The following PARD3B variants were observed in gnomAD, a reference collection of about 807,000 sequenced individuals.
PARD3B encodes the protein par-3 family cell polarity regulator beta.
A neutral mutation model predicts 130.2 loss-of-function variants in PARD3B; 103 were observed. The ratio of observed to expected loss-of-function variants is 0.79; its 90% confidence interval spans 0.67 to 0.93. PARD3B has a LOEUF of 0.93. Ranked by LOEUF, PARD3B falls within the 40% of genes least tolerant of loss-of-function variation. The pLI is 0.00. For synonymous variants in PARD3B, 583 were observed against 553.2 expected, an observed-to-expected ratio of 1.05 and a Z score of -0.76; for missense variants, 1,609 against 1,499.2, an observed-to-expected ratio of 1.07 and a Z score of -1.21.
chr2:204,586,624 C>G (rs914044968), intron 1 of PARD3B, among the ~76,000 whole-genome samples: 1 of 152,128 alleles, frequency 6.6e-6, no homozygotes, highest in Non-Finnish European at 1.5e-5. Flanking sequence ...ATAGCTTTCA[C>G]AATCAGAAAG....
intron 2 of PARD3B, among the ~76,000 whole-genome samples, chr2:204,693,647 T>C (rs1355256447): frequency 6.6e-6 from 1 of 152,088 alleles, no homozygotes; most frequent in Non-Finnish European, 1.5e-5. Context: ...TAGTGTATAC[T>C]GCATCAAGTC....
At chr2:204,922,526 G>A (rs562402748) in intron 2 of PARD3B, among the ~76,000 whole-genome samples, 2 of 152,122 alleles carry the variant, frequency 1.3e-5, no homozygotes, top group East Asian at 1.9e-4. Flanking sequence ...GTAGTAGAAC[G>A]AAAAGTCATA....
At chr2:205,119,183 G>C (rs764016561) in intron 7 of PARD3B, 137 bp downstream of exon 7, 5 of 1,197,152 alleles carry the variant, frequency 4.2e-6, no homozygotes, top group Non-Finnish European at 5.5e-6. Flanking sequence ...ATCCATTTTC[G>C]AATGCTTCTA....
intron 21 of PARD3B, among the ~76,000 whole-genome samples, chr2:205,514,602 A>G (rs1189360838): frequency 8.4e-6 from 1 of 118,492 alleles, no homozygotes; most frequent in Non-Finnish European, 2.2e-5. Flanking sequence ...ACATATGGAT[A>G]GAAATATAAA....
intron 1 of PARD3B, among the ~76,000 whole-genome samples, chr2:204,685,295 C>G (rs1297170982): frequency 6.6e-6 from 1 of 152,084 alleles, no homozygotes; most frequent in Admixed American, 6.6e-5. Context: ...TTCTAAGACT[C>G]ACAGAACCAA....
intron 21 of PARD3B, among the ~76,000 whole-genome samples, chr2:205,501,619 G>T (rs1038031389): frequency 6.6e-6 from 1 of 152,164 alleles, no homozygotes; most frequent in African/African-American, 2.4e-5. Context: ...CGTGTCCAGC[G>T]CATTGAAAAG....
chr2:204,798,935 G>A (rs1330928194), intron 2 of PARD3B, among the ~76,000 whole-genome samples: 2 of 151,758 alleles, frequency 1.3e-5, no homozygotes, highest in African/African-American at 4.8e-5. Flanking sequence ...CTAGCTTCAG[G>A]TGTAGCCCAG....
intron 2 of PARD3B, among the ~76,000 whole-genome samples, chr2:204,731,845 A>G (rs1404121332): frequency 6.6e-6 from 1 of 152,196 alleles, no homozygotes; most frequent in African/African-American, 2.4e-5. Flanking sequence ...TTTTCTGACC[A>G]GACGAGGTTG....
At chr2:205,071,153 C>T (rs1212737860) in intron 4 of PARD3B, among the ~76,000 whole-genome samples, 2 of 152,188 alleles carry the variant, frequency 1.3e-5, no homozygotes, top group Admixed American at 1.3e-4. Context: ...GTGCAAATCA[C>T]CCATGATCTT....
Position 205,359,814 on chromosome 2 carries a change from A to G in PARD3B, c.2631-41199A>G, listed in dbSNP as rs889409157. 2.6e-5 allele frequency among the ~76,000 whole-genome samples: 4 copies of G among 152,260 alleles called. No homozygotes were observed. In the East Asian group the frequency reaches 5.8e-4, roughly 22 times the overall value. On this transcript the variant is annotated intron_variant, in intron 18 of 22. Transcript: ENST00000406610. Reference sequence around the variant, plus strand: ...TAAGCACCCTTTACCGCACAATGACACTAAGAAACATCCTCATACGTGCCC... The same window carrying G: ...TAAGCACCCTTTACCGCACAATGACGCTAAGAAACATCCTCATACGTGCCC...
intron 20 of PARD3B, among the ~76,000 whole-genome samples, chr2:205,467,610 T>C (rs958861085): frequency 3.4e-4 from 52 of 152,180 alleles, no homozygotes; most frequent in African/African-American, 1.2e-3. Flanking sequence ...TTTTTCATGG[T>C]GGAATGAAGC....
intron 22 of PARD3B, among the ~76,000 whole-genome samples, chr2:205,581,229 G>GAGATATATATAGATATATAT (rs144139857): frequency 1.1e-3 from 126 of 113,272 alleles, no homozygotes; most frequent in African/African-American, 3.6e-3. Flanking sequence ...GTGGGGTGGG[G>GAGATATATATAGATATATAT]AGATATATAT....
intron 3 of PARD3B, among the ~76,000 whole-genome samples, chr2:205,023,354 T>C (rs1696766762): frequency 6.6e-6 from 1 of 151,988 alleles, no homozygotes; most frequent in Non-Finnish European, 1.5e-5. Flanking sequence ...GGTCCCCACC[T>C]TTGGCCTTCC....
chr2:205,382,299 A>G (rs779111797), intron 18 of PARD3B, among the ~76,000 whole-genome samples: 4 of 151,860 alleles, frequency 2.6e-5, no homozygotes, highest in Non-Finnish European at 5.9e-5. Flanking sequence ...GTAAAATGTC[A>G]CTCAATTTGG....
chr2:204,899,541 A>G (rs1244322698), intron 2 of PARD3B, among the ~76,000 whole-genome samples: 1 of 152,178 alleles, frequency 6.6e-6, no homozygotes, highest in Non-Finnish European at 1.5e-5. Flanking sequence ...CTTCATTATT[A>G]ATATTTTGTT....
At position 205,309,594 on chromosome 2, in the gene PARD3B, A is replaced by G. The variant is rs1419441304; in HGVS notation, c.2630+7893A>G. Among the ~76,000 whole-genome samples, 1 of 152,146 alleles carries G rather than the reference A, an allele frequency of 6.6e-6. No individual in the cohort carries two copies. Among genetic ancestry groups the G allele is most frequent in the African/African-American group, 2.4e-5 (1 of 41,434 alleles). On this transcript the variant is annotated intron_variant, in intron 18 of 22. Transcript: ENST00000406610. The surrounding 1 kb of genome is among the most constrained non-coding windows in gnomAD (Gnocchi z 4.7). ...CTACACACACATCACACCTACCACT[A>G]CCACCACAAACAACACACCACCAAA...
intron 2 of PARD3B, among the ~76,000 whole-genome samples, chr2:204,916,331 A>AAT (rs1276841485): frequency 1.3e-5 from 2 of 152,196 alleles, no homozygotes; most frequent in African/African-American, 4.8e-5. Flanking sequence ...TGAACTTTAT[A>AAT]GGTCAATTTT....
chr2:205,459,204 C>G (rs1056263921), intron 20 of PARD3B, among the ~76,000 whole-genome samples: 5 of 152,174 alleles, frequency 3.3e-5, no homozygotes, highest in African/African-American at 1.2e-4. Context: ...GGGCTCAGTT[C>G]AGTGTGCTTA....
chr2:204,931,596 T>C (rs1208686967), intron 2 of PARD3B, among the ~76,000 whole-genome samples: 1 of 131,676 alleles, frequency 7.6e-6, no homozygotes, highest in Non-Finnish European at 1.8e-5. Context: ...AAATTAACAA[T>C]TGTTTTTTTT....
Sources: allele counts gnomAD v4.1 joint callset (sites outside exome capture counted in the v4.1 genomes callset), GRCh38; gene constraint gnomAD v4.1.1; non-coding constraint Gnocchi (gnomAD v3.1); transcripts MANE v1.5; gene names NCBI Gene and HGNC (gene_info 2026-07-23, HGNC 2026-07-21).